LRP1B: variants seen among roughly 807,000 people sequenced by gnomAD.
The protein encoded by LRP1B is low-density lipoprotein receptor-related protein 1B.
LRP1B carries 217 observed loss-of-function variants against 556.6 expected under a neutral mutation model. The ratio of observed to expected loss-of-function variants is 0.39; its 90% CI spans 0.35 to 0.44. The LOEUF is 0.44. Ranked by LOEUF, LRP1B falls within the 20% of genes least tolerant of loss-of-function variation. The pLI, the probability that LRP1B is intolerant of heterozygous loss-of-function variation, is 1.00. For synonymous variants in LRP1B, 2,047 were observed against 1,865.8 expected (o/e 1.10, Z -2.50); for missense variants, 5,053 against 5,620.8 (o/e 0.90, Z 3.23).
At chr2:141,270,065 T>C (rs1181613328) in intron 3 of LRP1B, among the ~76,000 whole-genome samples, 1 of 152,022 alleles carries the variant, frequency 6.6e-6, no homozygotes, top group Non-Finnish European at 1.5e-5. Context: ...AATTAATATT[T>C]ATAACATAAA....
At chr2:140,554,268 G>T (rs1680649106) in intron 43 of LRP1B, among the ~76,000 whole-genome samples, 1 of 151,890 alleles carries the variant, frequency 6.6e-6, no homozygotes, top group African/African-American at 2.4e-5. Flanking sequence ...TTATGGAGGT[G>T]TTATAGCCAC....
intron 78 of LRP1B, 88 bp from the exon 79 acceptor site, chr2:140,334,647 C>A: frequency 3.1e-6 from 2 of 655,128 alleles, no homozygotes; most frequent in Non-Finnish European, 5.2e-6. Flanking sequence ...CTTCAGACCA[C>A]GTGCCTCAGA....
At chr2:141,729,053 C>A (rs754609557) in intron 2 of LRP1B, among the ~76,000 whole-genome samples, 1 of 152,122 alleles carries the variant, frequency 6.6e-6, no homozygotes, top group Non-Finnish European at 1.5e-5. Context: ...GTTCATTCCG[C>A]TTATTACAGC....
intron 2 of LRP1B, among the ~76,000 whole-genome samples, chr2:141,590,188 C>T (rs1183465523): frequency 6.6e-6 from 1 of 152,140 alleles, no homozygotes; most frequent in East Asian, 1.9e-4. Context: ...TGGTGATGGT[C>T]TCATTATAAA....
chr2:140,444,280 AT>A, intron 65 of LRP1B, 49 bp downstream of exon 65: 2 of 1,604,394 alleles, frequency 1.2e-6, no homozygotes, highest in Non-Finnish European at 1.7e-6. Context: ...TTTTAGACTT[AT>A]TTTAGGAGTC....
intron 7 of LRP1B, among the ~76,000 whole-genome samples, chr2:141,111,590 C>T (rs1272682969): frequency 2.0e-5 from 3 of 152,104 alleles, no homozygotes; most frequent in African/African-American, 7.2e-5. Context: ...CACATGCATA[C>T]TAGGGGAATA....
At chr2:141,532,842 C>T (rs1197683571) in intron 2 of LRP1B, among the ~76,000 whole-genome samples, 6 of 152,036 alleles carry the variant, frequency 3.9e-5, no homozygotes, top group Admixed American at 6.6e-5. Context: ...AAAAATTAGC[C>T]GGGTATGGTG....
intron 2 of LRP1B, among the ~76,000 whole-genome samples, chr2:141,621,873 T>G (rs1340353106): frequency 6.6e-6 from 1 of 150,846 alleles, no homozygotes; most frequent in African/African-American, 2.4e-5. Context: ...CATTACTATC[T>G]CTCTTTTTTG....
chr2:141,129,190 GAA>G (rs1701288866), intron 7 of LRP1B, among the ~76,000 whole-genome samples: 1 of 152,040 alleles, frequency 6.6e-6, no homozygotes, highest in South Asian at 2.1e-4. Context: ...CTACAGTTTT[GAA>G]TAACTTAAAA....
At chr2:141,114,162 C>T (rs1700822488) in intron 7 of LRP1B, among the ~76,000 whole-genome samples, 1 of 152,226 alleles carries the variant, frequency 6.6e-6, no homozygotes, top group African/African-American at 2.4e-5. Flanking sequence ...GGCACACAGG[C>T]AGGCAGGTGC....
At position 140,300,216 on chromosome 2, in the gene LRP1B, A is replaced by T. The variant is rs557487494; in HGVS notation, c.12806-2247T>A. Among the ~76,000 whole-genome samples, 658 of 152,258 alleles carry T rather than the reference A, an allele frequency of 4.3e-3. 4 individuals are homozygous for T. Among genetic ancestry groups the T allele is most frequent in the Non-Finnish European group, 5.0e-3 (340 of 68,010 alleles). On this transcript the variant is annotated intron_variant, in intron 83 of 90. Transcript: ENST00000389484. ...TTATTTCTCTTTCTTTGAAGAGCAGATTTCTTTCTGACAAGTAGAAATCTT... is the reference window on the plus strand; with the variant it reads ...TTATTTCTCTTTCTTTGAAGAGCAGTTTTCTTTCTGACAAGTAGAAATCTT...
chr2:141,305,361 G>A lies in LRP1B; in HGVS notation c.344-50720C>T, dbSNP rs115883696. Among the ~76,000 whole-genome samples the A allele has an allele frequency of 5.2e-3, 789 of 152,234 alleles. 9 individuals carry two copies. The highest frequency in any genetic ancestry group is 0.016 in the African/African-American group (662 of 41,536). On this transcript the variant is annotated intron_variant, in intron 3 of 90. Transcript: ENST00000389484. ...TTTTATTTTTGTAGCTATTGTAAAT[G>A]GGATTGCCTTCTTGATTCCTTTATC...
chr2:141,197,695 A>T (rs564792601), intron 6 of LRP1B, among the ~76,000 whole-genome samples: 1 of 152,300 alleles, frequency 6.6e-6, no homozygotes, highest in South Asian at 2.1e-4. Context: ...AGTTAGGAAC[A>T]TACTGCAGTT....
At chr2:141,447,177 A>G (rs920991717) in intron 3 of LRP1B, among the ~76,000 whole-genome samples, 1 of 151,240 alleles carries the variant, frequency 6.6e-6, no homozygotes, top group African/African-American at 2.4e-5. Flanking sequence ...TCAATCTCTG[A>G]TATCCTTTCT....
At chr2:141,167,976 T>A in intron 7 of LRP1B, among the ~76,000 whole-genome samples, 1 of 152,014 alleles carries the variant, frequency 6.6e-6, no homozygotes. Flanking sequence ...AGATGATTCT[T>A]GACAAATAAT....
intron 1 of LRP1B, among the ~76,000 whole-genome samples, chr2:141,863,000 CTT>C (rs1453331616): frequency 2.6e-5 from 4 of 152,184 alleles, no homozygotes; most frequent in Non-Finnish European, 4.4e-5. Context: ...TGAGCTCTCT[CTT>C]ATGCATTAAG....
rs950938809 is a variant in LRP1B, at chr2:142,063,200, TCCC to T, written c.82+67445_82+67447del. 1.3e-5 allele frequency among the ~76,000 whole-genome samples: 2 copies of T among 151,572 alleles called. 1 individual carries two copies. Among genetic ancestry groups the T allele is most frequent in the South Asian group, 4.1e-4 (2 of 4,826 alleles). ...TCATGAAATTAAATGTACAATTATT[TCCC>T]CCCATTTTTCAATATAAAACTAATT... On this transcript the variant is annotated intron_variant, in intron 1 of 90. Coordinates refer to ENST00000389484, the MANE Select transcript of LRP1B (RefSeq NM_018557.3).
rs200580590 is a variant in LRP1B, at chr2:141,506,582, ATGACAGGCTGT to A, written c.206-26060_206-26050del. 2.3e-4 allele frequency among the ~76,000 whole-genome samples: 35 copies of A among 152,236 alleles called. 1 individual carries two copies. The East Asian group carries it at 6.2e-3, about 27-fold the overall frequency. ...CACTGTTACATTACGGGAAGAGTTA[ATGACAGGCTGT>A]ATAGGATGTGGGCACCTAGCTTCAA... On this transcript the variant is annotated intron_variant, in intron 2 of 90. Transcript: ENST00000389484.
Position 141,927,696 on chromosome 2 carries a change from T to C in LRP1B, c.83-117295A>G, listed in dbSNP as rs1700370842. Among the ~76,000 whole-genome samples the C allele has an allele frequency of 2.0e-5, 3 of 152,024 alleles. No homozygotes were observed. The South Asian group carries it at 6.2e-4, about 32-fold the overall frequency. On this transcript the variant is annotated intron_variant, in intron 1 of 90. Transcript: ENST00000389484. ...GCAGCTAAGAACTCTGACTAATACA[T>C]ATGGCAGCCTGCTGATGCCATTGAT...
Sources: gnomAD v4.1 joint callset for allele counts (sites outside exome capture counted in the v4.1 genomes callset) on GRCh38, gnomAD v4.1.1 for gene constraint, MANE v1.5 for transcripts, NCBI Gene and HGNC (gene_info 2026-07-23, HGNC 2026-07-21) for gene names.